The following PATL1 variants were observed in gnomAD, a reference collection of about 807,000 sequenced individuals.
PATL1 encodes the protein protein PAT1 homolog 1.
A neutral mutation model predicts 100.6 loss-of-function variants in PATL1; 32 were observed. The ratio of observed to expected loss-of-function variants is 0.32; its 90% CI spans 0.24 to 0.43. The LOEUF is 0.43. PATL1 is among the 20% of genes least tolerant of loss of function. The pLI, the probability that PATL1 is intolerant of heterozygous loss-of-function variation, is 1.00. For synonymous variants in PATL1, 332 were observed against 330.0 expected, an observed-to-expected ratio of 1.01 and a Z score of -0.07; for missense variants, 747 against 949.9, an observed-to-expected ratio of 0.79 and a Z score of 2.81.
rs1175300355 is a variant in PATL1, at chr11:59,647,222, CAAAAA to C, written c.1893+527_1893+531del. Among the ~76,000 whole-genome samples, 61 of 60,482 alleles carry C rather than the reference CAAAAA, an allele frequency of 1.0e-3. 1 individual carries two copies. Among genetic ancestry groups the C allele is most frequent in the Middle Eastern group, 0.017 (2 of 118 alleles). 39.7% of individuals were successfully genotyped at this position (60,482 alleles called of 152,430 possible). A position where few individuals can be genotyped will look rare whatever the true frequency, so the allele number is the denominator to read the frequency against. ...TGTGTGACAGAGCAAAACTCTGTCT[CAAAAA>C]AAAAAAAAAAAAAAAAACCAAAAGG... On this transcript the variant is annotated intron_variant, in intron 15 of 18. Transcript: ENST00000300146.
chr11:59,650,802 T>G lies in PATL1; in HGVS notation c.1536A>C (p.Glu512Asp). 6.4e-7 allele frequency: 1 copy of G among 1,554,304 alleles called. No homozygotes were observed. The highest frequency in any genetic ancestry group is 8.7e-7 in the Non-Finnish European group (1 of 1,146,894). The stretch of plus-strand genomic sequence containing the variant: ...TTCTCCTCTTGTCTCGAACTTGTTT[T>G]TCTTTTGTCTCCTAAAAAAGAGAAG... The part of the protein sequence containing the change: ...TSRSEDDETK[E>D]KQVRDKRRKT... Residue 512 changes from glutamate (E) to aspartate (D), a missense_variant, in exon 13 of 19, where the codon GAA (glutamate) becomes GAC (aspartate). Glu to Asp is a conservative substitution (Grantham distance 45). This residue lies in a region of PATL1 where 434 missense variants were observed against 596.1 expected (regional missense o/e 0.73). Coordinates refer to ENST00000300146, the MANE Select transcript of PATL1 (RefSeq NM_152716.3).
intron 18 of PATL1, 69 bp downstream of exon 18, chr11:59,638,979 A>G: frequency 6.5e-7 from 1 of 1,530,960 alleles, no homozygotes; most frequent in Non-Finnish European, 8.9e-7. Context: ...CACCGTACCC[A>G]GCCTCCCAAC....
chr11:59,648,326 T>C (rs979264736), intron 14 of PATL1, among the ~76,000 whole-genome samples: 6 of 151,370 alleles, frequency 4.0e-5, no homozygotes, highest in Admixed American at 2.0e-4. Flanking sequence ...GCCGGGATTA[T>C]AGATGCCCGC....
intron 1 of PATL1, among the ~76,000 whole-genome samples, chr11:59,668,105 A>G (rs1334700982): frequency 6.6e-6 from 1 of 152,236 alleles, no homozygotes; most frequent in Admixed American, 6.5e-5. Context: ...CAAATCACAA[A>G]TATCTACTTT....
intron 16 of PATL1, among the ~76,000 whole-genome samples, chr11:59,640,732 A>G (rs1487699490): frequency 2.0e-5 from 3 of 149,586 alleles, no homozygotes; most frequent in African/African-American, 4.9e-5. Flanking sequence ...AAGAAAAAAA[A>G]AAATGAACAG....
intron 9 of PATL1, among the ~76,000 whole-genome samples, 151 bp from the exon 10 acceptor site, chr11:59,653,169 T>C (rs947797034): frequency 6.6e-6 from 1 of 151,858 alleles, no homozygotes; most frequent in African/African-American, 2.4e-5. Flanking sequence ...TAAGTCTTAA[T>C]AGAATTTAAG....
At chr11:59,665,801 G>T (rs930902910) in intron 2 of PATL1, among the ~76,000 whole-genome samples, 1 of 151,828 alleles carries the variant, frequency 6.6e-6, no homozygotes, top group Non-Finnish European at 1.5e-5. Flanking sequence ...AAATATATGT[G>T]TATGTATACA....
chr11:59,650,826 A>G lies in PATL1; in HGVS notation c.1525-13T>C. The G allele has an allele frequency of 6.5e-7, 1 of 1,529,604 alleles. No individual in the cohort carries two copies. The highest frequency in any genetic ancestry group is 8.9e-7 in the Non-Finnish European group (1 of 1,128,934). 94.8% of individuals were successfully genotyped at this position (1,529,604 alleles called of 1,614,324 possible). A position where few individuals can be genotyped will look rare whatever the true frequency, so the allele number is the denominator to read the frequency against. ...TTTCTTTTGTCTCCTAAAAAAGAGAAGACTATTCAATGCAAATTCTTTATC... is the reference window on the plus strand; with the variant it reads ...TTTCTTTTGTCTCCTAAAAAAGAGAGGACTATTCAATGCAAATTCTTTATC... On this transcript the variant is annotated splice_polypyrimidine_tract_variant and intron_variant, in intron 12 of 18. Transcript: ENST00000300146.
chr11:59,656,483 G>T lies in PATL1; in HGVS notation c.723+16C>A. ...AATACATACTGCACATTTTTGTTAG[G>T]CTTAAAGTGACATACCGGGACACTG... On this transcript the variant is annotated intron_variant, in intron 6 of 18. Transcript: ENST00000300146. 1.3e-6 allele frequency: 2 copies of T among 1,598,296 alleles called. No individual in the cohort carries two copies. Among genetic ancestry groups the T allele is most frequent in the Non-Finnish European group, 1.7e-6 (2 of 1,166,140 alleles).
intron 14 of PATL1, among the ~76,000 whole-genome samples, chr11:59,648,131 T>C (rs1861388511): frequency 6.6e-6 from 1 of 151,458 alleles, no homozygotes; most frequent in African/African-American, 2.4e-5. Context: ...TCACAAATTA[T>C]ATGGTTAAAA....
intron 2 of PATL1, among the ~76,000 whole-genome samples, chr11:59,663,660 A>G (rs1861654077): frequency 6.6e-6 from 1 of 152,122 alleles, no homozygotes; most frequent in Non-Finnish European, 1.5e-5. Context: ...ATTTTTAGAG[A>G]AGGAGTTGGG....
chr11:59,658,771 A>T, intron 4 of PATL1, 95 bp downstream of exon 4: 2 of 871,852 alleles, frequency 2.3e-6, no homozygotes, highest in Non-Finnish European at 3.6e-6. Flanking sequence ...AGCAAATGAA[A>T]GACCTATAAA....
In PATL1 at chr11:59,652,531, G is replaced by T. The variant is rs1202185896; in HGVS notation, c.1359C>A (p.Gly453=). 1 of 1,613,856 alleles carries T rather than the reference G, an allele frequency of 6.2e-7. No homozygotes were observed. Among genetic ancestry groups the T allele is most frequent in the Non-Finnish European group, 8.5e-7 (1 of 1,179,836 alleles). ...LSAAEEIQGD[G]PKKERTKLIT... is the part of the protein sequence containing the mutation. ...TAAGCTTGGTGCGCTCCTTCTTAGG[G>T]CCATCACCTTGTATTTCTTCAGCAG... Residue 453 remains glycine, a synonymous_variant, in exon 11 of 19, where the codon GGC becomes GGA. Transcript: ENST00000300146.
At chr11:59,647,222 CAAAAAAAAAAAA>C (rs1175300355) in intron 15 of PATL1, among the ~76,000 whole-genome samples, 1 of 60,496 alleles carries the variant, frequency 1.7e-5, no homozygotes, top group Admixed American at 1.9e-4. Flanking sequence ...AACTCTGTCT[CAAAAAAAAAAAA>C]AAAAAAAAAA....
intron 15 of PATL1, among the ~76,000 whole-genome samples, chr11:59,647,197 T>A (rs1481248490): frequency 7.3e-6 from 1 of 136,850 alleles, no homozygotes; most frequent in African/African-American, 2.9e-5. Context: ...CCCTACTGCC[T>A]GTGTGACAGA....
At position 59,647,759 on chromosome 11, in the gene PATL1, C is replaced by G. The variant is rs777799891; in HGVS notation, c.1888G>C (p.Asp630His). The stretch of plus-strand genomic sequence containing the variant: ...GTCCCATCTTGCATAGTCACCTCAT[C>G]TTGTGCATCCTTCTTGATAAGGAAA... ...LPFLIKKDAQ[D>H]EVLPCLLSPF... The change falls in exon 15 of 19, where the codon GAT becomes CAT. Residue 630 changes from aspartate to histidine, a missense_variant. Physicochemically the swap from Asp to His is moderately conservative, Grantham distance 81. Transcript: ENST00000300146. The G allele has an allele frequency of 1.2e-5, 19 of 1,613,924 alleles. No individual in the cohort carries two copies. In the East Asian group the frequency reaches 4.2e-4, roughly 36 times the overall value.
At chr11:59,663,190 G>A (rs1861649420) in intron 2 of PATL1, among the ~76,000 whole-genome samples, 1 of 152,092 alleles carries the variant, frequency 6.6e-6, no homozygotes, top group Non-Finnish European at 1.5e-5. Flanking sequence ...ACAAATGAAG[G>A]GAAAGAGATT....
rs1439282964 is a variant in PATL1, at chr11:59,668,956, C to G, written c.-61G>C. On this transcript the variant is annotated 5_prime_UTR_variant, in exon 1 of 19. Coordinates refer to ENST00000300146, the MANE Select transcript of PATL1 (RefSeq NM_152716.3). ...GGGGGAGGGAGGGAAGAAGCGCTGACTCCCCGGCTCCTCCGCGCGCGGGTC... is the reference window on the plus strand; with the variant it reads ...GGGGGAGGGAGGGAAGAAGCGCTGAGTCCCCGGCTCCTCCGCGCGCGGGTC... 1.1e-5 allele frequency: 4 copies of G among 356,182 alleles called. No individual in the cohort carries two copies. The highest frequency in any genetic ancestry group is 1.6e-5 in the Non-Finnish European group (3 of 190,374). The allele number at this position is 356,182 out of a possible 1,614,324, so 22.1% of individuals were successfully genotyped here. A position where few individuals can be genotyped will look rare whatever the true frequency, so the allele number is the denominator to read the frequency against.
chr11:59,650,236 T>G (rs1354621683), intron 13 of PATL1, among the ~76,000 whole-genome samples: 1 of 152,100 alleles, frequency 6.6e-6, no homozygotes, highest in Non-Finnish European at 1.5e-5. Context: ...TAACTTGCCT[T>G]AAGTTACAGA....
Sources: allele counts gnomAD v4.1 joint callset (sites outside exome capture counted in the v4.1 genomes callset), GRCh38; gene constraint gnomAD v4.1.1; regional missense constraint gnomAD v4.1.1; transcripts MANE v1.5; gene names NCBI Gene and HGNC (gene_info 2026-07-23, HGNC 2026-07-21).